RIMKLB: variants seen among roughly 807,000 people sequenced by gnomAD.
The protein encoded by RIMKLB is ribosomal modification protein rimK like family member B.
RIMKLB carries 7 observed loss-of-function variants against 32.0 expected under a neutral mutation model. That is an observed-to-expected ratio of 0.22 (90% CI 0.12 to 0.41). The LOEUF is 0.41. Among genes scored for constraint, RIMKLB ranks in the 10% least tolerant of loss-of-function variants. The pLI, the probability that RIMKLB is intolerant of heterozygous loss-of-function variation, is 1.00. For synonymous variants in RIMKLB, 172 were observed against 185.1 expected (o/e 0.93, Z 0.57); for missense variants, 289 against 498.7 (o/e 0.58, Z 4.00).
intron 1 of RIMKLB, among the ~76,000 whole-genome samples, chr12:8,711,180 G>A (rs1944344978): frequency 6.6e-6 from 1 of 151,882 alleles, no homozygotes; most frequent in Non-Finnish European, 1.5e-5. Context: ...GTTGCAGTGA[G>A]CCAAGGTTGC....
At chr12:8,717,070 C>CTTTTTTTTTTTTTCT (rs1196151503) in intron 2 of RIMKLB, among the ~76,000 whole-genome samples, 1 of 113,914 alleles carries the variant, frequency 8.8e-6, no homozygotes, top group African/African-American at 3.2e-5. Context: ...TTTTTTTTTT[C>CTTTTTTTTTTTTTCT]TTTTTTTTTT....
Position 8,751,261 on chromosome 12 carries a change from A to G in RIMKLB, c.407-696A>G, listed in dbSNP as rs1247000332. 2.0e-5 allele frequency among the ~76,000 whole-genome samples: 3 copies of G among 152,212 alleles called. No homozygotes were observed. The East Asian group carries it at 5.8e-4, about 29-fold the overall frequency. On this transcript the variant is annotated intron_variant, in intron 3 of 5. Coordinates refer to ENST00000535829, the MANE Select transcript of RIMKLB (RefSeq NM_001297776.2). Reference sequence around the variant, plus strand: ...ATGAAGGATTAAAATTTGGTGACCAAGTCATAATTTTGCAACGCTACACAT... The same window carrying G: ...ATGAAGGATTAAAATTTGGTGACCAGGTCATAATTTTGCAACGCTACACAT...
chr12:8,689,025 AG>A lies in RIMKLB; in HGVS notation n.219+7210del, dbSNP rs1942660221. Among the ~76,000 whole-genome samples the A allele has an allele frequency of 2.0e-5, 3 of 152,098 alleles. No individual in the cohort carries two copies. The South Asian group carries it at 6.2e-4, about 32-fold the overall frequency. On this transcript the variant is annotated intron_variant and non_coding_transcript_variant, in intron 1 of 1. Transcript: ENST00000538758. ...AATTTTTTCTATTTTTAGTAGAGAC[AG>A]GGTTTCGCCATGTTGGCCAGGCTAG... is the stretch of plus-strand genomic sequence containing the variant.
chr12:8,688,481 G>A (rs10842109), intron 1 of RIMKLB, among the ~76,000 whole-genome samples: 35,338 of 152,092 alleles, frequency 0.23, 4,338 homozygotes, highest in Non-Finnish European at 0.26. Flanking sequence ...GGAAAATTTT[G>A]AAGAAGAGCA....
At chr12:8,698,565 C>T (rs1565547029) in intron 1 of RIMKLB, among the ~76,000 whole-genome samples, 1 of 152,138 alleles carries the variant, frequency 6.6e-6, no homozygotes, top group Non-Finnish European at 1.5e-5. Flanking sequence ...CCGGGCGAGC[C>T]GTGTCGAGGG....
At chr12:8,762,911 A>G (rs1949648182) in intron 5 of RIMKLB, among the ~76,000 whole-genome samples, 1 of 152,200 alleles carries the variant, frequency 6.6e-6, no homozygotes, top group Non-Finnish European at 1.5e-5. Context: ...GGTGTGAGCA[A>G]TCACCTGTTG....
intron 5 of RIMKLB, among the ~76,000 whole-genome samples, chr12:8,769,788 C>CATA (rs1156631286): frequency 1.3e-5 from 2 of 152,068 alleles, no homozygotes; most frequent in Non-Finnish European, 2.9e-5. Flanking sequence ...ACTGTATCAT[C>CATA]ATAATAATAA....
intron 1 of RIMKLB, among the ~76,000 whole-genome samples, chr12:8,700,881 C>G (rs767390404): frequency 6.6e-6 from 1 of 152,084 alleles, no homozygotes; most frequent in Non-Finnish European, 1.5e-5. Flanking sequence ...GCCTGGCCAA[C>G]ATGGCGAAAC....
At chr12:8,735,066 A>G (rs1316216887) in intron 2 of RIMKLB, among the ~76,000 whole-genome samples, 1 of 152,190 alleles carries the variant, frequency 6.6e-6, no homozygotes, top group Non-Finnish European at 1.5e-5. Context: ...TTCATCTAAT[A>G]GGCAATAAGA....
chr12:8,684,954 C>T (rs1476033852), intron 1 of RIMKLB, among the ~76,000 whole-genome samples: 1 of 152,196 alleles, frequency 6.6e-6, no homozygotes, highest in African/African-American at 2.4e-5. Flanking sequence ...TTGCTCATCA[C>T]TGATATATAG....
chr12:8,707,663 T>G (rs1944018465), intron 1 of RIMKLB, among the ~76,000 whole-genome samples: 1 of 152,182 alleles, frequency 6.6e-6, no homozygotes. Flanking sequence ...TGCCTTGGTC[T>G]TTCTGGTGAC....
intron 2 of RIMKLB, among the ~76,000 whole-genome samples, chr12:8,720,773 T>C (rs1945367351): frequency 6.6e-6 from 1 of 152,066 alleles, no homozygotes; most frequent in African/African-American, 2.4e-5. Context: ...CTCCTGACCT[T>C]GAATGATCCG....
At chr12:8,706,079 A>C (rs1046590005) in intron 1 of RIMKLB, among the ~76,000 whole-genome samples, 1 of 152,162 alleles carries the variant, frequency 6.6e-6, no homozygotes, top group Non-Finnish European at 1.5e-5. Flanking sequence ...TGTAAAATTT[A>C]ATGATCACAA....
At chr12:8,742,534 T>C in intron 2 of RIMKLB, 1 of 382,702 alleles carries the variant, frequency 2.6e-6, no homozygotes, top group Non-Finnish European at 5.0e-6. Flanking sequence ...CACTTTCAGA[T>C]GGAATATGTA....
chr12:8,758,676 A>T (rs892132851), intron 5 of RIMKLB, among the ~76,000 whole-genome samples: 8 of 152,180 alleles, frequency 5.3e-5, no homozygotes, highest in African/African-American at 1.9e-4. Context: ...TTCCGTGTTT[A>T]GGACTTTAAT....
chr12:8,781,160 G>A (rs975415728), downstream of RIMKLB, among the ~76,000 whole-genome samples: 14 of 152,172 alleles, frequency 9.2e-5, no homozygotes, highest in Non-Finnish European at 1.6e-4. Context: ...GGCAAACATG[G>A]AGAAACCCCA....
At chr12:8,690,966 A>G (rs1248191299) in intron 1 of RIMKLB, among the ~76,000 whole-genome samples, 1 of 152,150 alleles carries the variant, frequency 6.6e-6, no homozygotes, top group African/African-American at 2.4e-5. Context: ...CAAACCCAGT[A>G]GGGTTAGAAC....
At chr12:8,741,697 G>A (rs1033876608) in intron 2 of RIMKLB, among the ~76,000 whole-genome samples, 1 of 148,478 alleles carries the variant, frequency 6.7e-6, no homozygotes, top group African/African-American at 2.5e-5. Flanking sequence ...GGAGAATGGT[G>A]TGAACCCAGG....
rs2137722109 is a variant in RIMKLB, at chr12:8,749,804, C to T, written c.176-58C>T. ...TCCAAACTTTGGCGTATTACTATTC[C>T]TCTATTTTGTTGTATATTTCCCTCT... is the stretch of plus-strand genomic sequence containing the variant. On this transcript the variant is annotated intron_variant, in intron 2 of 5. Transcript: ENST00000535829. 10 of 1,102,606 alleles carry T rather than the reference C, an allele frequency of 9.1e-6. No homozygotes were observed. The East Asian group carries it at 1.0e-4, about 11-fold the overall frequency. The allele number at this position is 1,102,606 out of a possible 1,614,324, so 68.3% of individuals were successfully genotyped here. A position where few individuals can be genotyped will look rare whatever the true frequency, so the allele number is the denominator to read the frequency against.
Sources: gnomAD v4.1 joint callset for allele counts (sites outside exome capture counted in the v4.1 genomes callset) on GRCh38, gnomAD v4.1.1 for gene constraint, MANE v1.5 for transcripts, NCBI Gene and HGNC (gene_info 2026-07-23, HGNC 2026-07-21) for gene names.